Variants in PLEKHA5 observed in about 807,000 individuals in gnomAD.
The protein encoded by PLEKHA5 is pleckstrin homology domain containing A5.
PLEKHA5 carries 55 observed loss-of-function variants against 181.9 expected under a neutral mutation model. The observed-to-expected ratio is 0.30, with a 90% CI of 0.24 to 0.38. PLEKHA5 has a LOEUF of 0.38. Ranked by LOEUF, PLEKHA5 falls within the 10% of genes least tolerant of loss-of-function variation. The pLI is 1.00. For synonymous variants in PLEKHA5, 535 were observed against 529.4 expected (o/e 1.01, Z -0.15); for missense variants, 1,432 against 1,549.5 (o/e 0.92, Z 1.27).
In PLEKHA5 at chr12:19,228,853, A is replaced by G. The variant is rs557753134; in HGVS notation, c.228-25087A>G. The stretch of plus-strand genomic sequence containing the variant: ...AAGCATTACACTCTAAATATTTGCT[A>G]AACAAATGAAAAATCTATTAGCCAA... On this transcript the variant is annotated intron_variant, in intron 3 of 31. Transcript: ENST00000429027. Among the ~76,000 whole-genome samples, 6 of 152,366 alleles carry G rather than the reference A, an allele frequency of 3.9e-5. No individual in the cohort carries two copies. In the South Asian group the frequency reaches 1.2e-3, roughly 32 times the overall value.
chr12:19,363,776 G>A (rs2095337790), intron 29 of PLEKHA5, among the ~76,000 whole-genome samples: 1 of 152,108 alleles, frequency 6.6e-6, no homozygotes, highest in African/African-American at 2.4e-5. Flanking sequence ...ACAGACATAA[G>A]CCACCATACC....
chr12:19,313,848 GT>G (rs2087514773), intron 15 of PLEKHA5, among the ~76,000 whole-genome samples: 1 of 152,088 alleles, frequency 6.6e-6, no homozygotes, highest in East Asian at 1.9e-4. Context: ...TTAAGATTTA[GT>G]TTTTTCTTAC....
chr12:19,293,548 A>C (rs1304122180), intron 15 of PLEKHA5, among the ~76,000 whole-genome samples: 2 of 152,162 alleles, frequency 1.3e-5, no homozygotes, highest in East Asian at 3.8e-4. Flanking sequence ...GATACATGGG[A>C]AATAAAAAAC....
intron 3 of PLEKHA5, among the ~76,000 whole-genome samples, chr12:19,181,827 T>C (rs1395636400): frequency 6.6e-6 from 1 of 151,952 alleles, no homozygotes; most frequent in South Asian, 2.1e-4. Context: ...ACAACTAAGG[T>C]AAGGTAATGG....
Position 19,353,908 on chromosome 12 carries a change from T to G in PLEKHA5, c.3044T>G (p.Val1015Gly), listed in dbSNP as rs958331700. ...GGTTCCCACTTTCCTGTTGGAGTAG[T>G]CCCTCCAAGAGCAAAATCACCAACA... is the stretch of plus-strand genomic sequence containing the variant. The part of the protein sequence containing the change: ...VKGSHFPVGV[V>G]PPRAKSPTPE... Residue 1015 changes from valine to glycine, a missense_variant, in exon 26 of 32, where the codon GTC (valine) becomes GGC (glycine). Coordinates refer to ENST00000429027, the MANE Select transcript of PLEKHA5 (RefSeq NM_001256470.2). 11 of 1,595,594 alleles carry G rather than the reference T, an allele frequency of 6.9e-6. No homozygotes were observed. Among genetic ancestry groups the G allele is most frequent in the East Asian group, 6.7e-5 (3 of 44,748 alleles).
intron 3 of PLEKHA5, chr12:19,207,658 T>C (rs1049709341): frequency 4.6e-5 from 7 of 152,160 alleles, no homozygotes; most frequent in Non-Finnish European, 1.0e-4. Flanking sequence ...CCCTTTAATA[T>C]CTTATTCAGA....
At position 19,322,531 on chromosome 12, in the gene PLEKHA5, A is replaced by C. The variant is rs757206113; in HGVS notation, c.2312A>C (p.Gln771Pro). 6.2e-7 allele frequency: 1 copy of C among 1,614,022 alleles called. No homozygotes were observed. The highest frequency in any genetic ancestry group is 8.5e-7 in the Non-Finnish European group (1 of 1,179,880). Residue 771 changes from glutamine (Q) to proline (P), a missense_variant, in exon 20 of 32, where the codon CAA (glutamine) becomes CCA (proline). By Grantham distance (76) the Gln-to-Pro change is moderately conservative. Around this residue, in one of 2 missense-constraint regions of PLEKHA5, gnomAD observed 1,143 missense variants for 1,168.4 expected, o/e 0.98. Transcript: ENST00000429027. The part of the protein sequence containing the change: ...QLHKEKYTLE[Q>P]ALLSASQEIE... ...TTATCATAATAGTACACGCTTGAGC[A>C]AGCTTTGCTATCAGCCAGCCAAGAG... is the stretch of plus-strand genomic sequence containing the variant.
intron 20 of PLEKHA5, 23 bp downstream of exon 20, chr12:19,322,690 C>G (rs530214225): frequency 1.3e-6 from 2 of 1,576,148 alleles, no homozygotes; most frequent in Non-Finnish European, 1.7e-6. Context: ...TTTTTTTCCC[C>G]TAATAAAAGT....
At chr12:19,279,252 T>A (rs917216818) in intron 11 of PLEKHA5, among the ~76,000 whole-genome samples, 1 of 152,188 alleles carries the variant, frequency 6.6e-6, no homozygotes, top group Non-Finnish European at 1.5e-5. Context: ...ATAGAGGGAT[T>A]TTTTTAAAAA....
intron 3 of PLEKHA5, among the ~76,000 whole-genome samples, chr12:19,238,805 A>C (rs1490063171): frequency 6.7e-6 from 1 of 149,618 alleles, no homozygotes; most frequent in African/African-American, 2.4e-5. Flanking sequence ...TGGCCAAAAA[A>C]AAAAAAAAAA....
At chr12:19,135,856 A>T (rs944926008) in intron 3 of PLEKHA5, among the ~76,000 whole-genome samples, 5 of 151,840 alleles carry the variant, frequency 3.3e-5, no homozygotes, top group African/African-American at 1.2e-4. Flanking sequence ...GCCAAAAAAC[A>T]GTAAAATATG....
chr12:19,354,447 C>G (rs2094807159), intron 26 of PLEKHA5, among the ~76,000 whole-genome samples: 1 of 146,402 alleles, frequency 6.8e-6, no homozygotes, highest in Admixed American at 6.9e-5. Flanking sequence ...GCCACCGCCC[C>G]CCAGCCCGAT....
At chr12:19,142,787 C>T (rs2037789979) in intron 3 of PLEKHA5, among the ~76,000 whole-genome samples, 1 of 152,156 alleles carries the variant, frequency 6.6e-6, no homozygotes, top group Admixed American at 6.6e-5. Flanking sequence ...TAACTCTATA[C>T]TCACTTTGAT....
At chr12:19,254,127 T>A in intron 4 of PLEKHA5, 104 bp downstream of exon 4, 2 of 721,268 alleles carry the variant, frequency 2.8e-6, no homozygotes, top group Non-Finnish European at 4.8e-6. Context: ...TGGACATTTG[T>A]AGTCAAGTAT....
At chr12:19,235,772 A>G (rs2061325867) in intron 3 of PLEKHA5, among the ~76,000 whole-genome samples, 3 of 152,164 alleles carry the variant, frequency 2.0e-5, no homozygotes, top group Admixed American at 2.0e-4. Context: ...ACCTCACTTT[A>G]AATTAAAACA....
Position 19,197,004 on chromosome 12 carries a change from C to T in PLEKHA5, c.228-56936C>T, listed in dbSNP as rs550904815. On this transcript the variant is annotated intron_variant, in intron 3 of 31. Coordinates refer to ENST00000429027, the MANE Select transcript of PLEKHA5 (RefSeq NM_001256470.2). The stretch of plus-strand genomic sequence containing the variant: ...TCCCAAGAGCCAACCTGTCCTATTA[C>T]CTTTAGAAGTGAATATACCTCCTGC... Among the ~76,000 whole-genome samples the T allele has an allele frequency of 3.0e-4, 45 of 152,180 alleles. 2 individuals carry two copies. The South Asian group carries it at 9.3e-3, about 32-fold the overall frequency.
rs1270765583 is a variant in PLEKHA5, at chr12:19,283,611, A to G, written c.1645A>G (p.Thr549Ala). 1 of 1,614,048 alleles carries G rather than the reference A, an allele frequency of 6.2e-7. No individual in the cohort carries two copies. Among genetic ancestry groups the G allele is most frequent in the Admixed American group, 1.7e-5 (1 of 60,014 alleles). Residue 549 changes from threonine to alanine, a missense_variant, in exon 12 of 32, where the codon ACA becomes GCA. By Grantham distance (58) the Thr-to-Ala change is moderately conservative (BLOSUM62 0). This residue lies in a region of PLEKHA5 where 1,143 missense variants were observed against 1,168.4 expected (regional missense o/e 0.98). Coordinates refer to ENST00000429027, the MANE Select transcript of PLEKHA5 (RefSeq NM_001256470.2). ...TGACCAGACAATGCACTCTATTCCCACATCACCTTCCCACGGGTCAATAGC... is the reference window on the plus strand; with the variant it reads ...TGACCAGACAATGCACTCTATTCCCGCATCACCTTCCCACGGGTCAATAGC... ...ISDQTMHSIP[T>A]SPSHGSIAAY...
chr12:19,174,626 C>T (rs1038619373), intron 3 of PLEKHA5, among the ~76,000 whole-genome samples: 6 of 152,128 alleles, frequency 3.9e-5, no homozygotes, highest in African/African-American at 1.2e-4. Context: ...TTTTACTGAC[C>T]GATGAGCTGA....
At chr12:19,185,674 C>T (rs7962879) in intron 3 of PLEKHA5, among the ~76,000 whole-genome samples, 15,567 of 152,168 alleles carry the variant, frequency 0.1, 1,078 homozygotes, top group African/African-American at 0.2. Flanking sequence ...ATTGGATTTT[C>T]TGTTATTTGA....
Sources: allele counts gnomAD v4.1 joint callset (sites outside exome capture counted in the v4.1 genomes callset), GRCh38; gene constraint gnomAD v4.1.1; regional missense constraint gnomAD v4.1.1; transcripts MANE v1.5; gene names NCBI Gene and HGNC (gene_info 2026-07-23, HGNC 2026-07-21).